RASSF4: variants seen among roughly 807,000 people sequenced by gnomAD.
RASSF4 encodes Ras association domain family member 4, also known as ras association domain-containing protein 4.
In RASSF4, 38 loss-of-function variants were observed where a neutral mutation model predicts 41.1. The ratio of observed to expected loss-of-function variants is 0.92; its 90% CI spans 0.71 to 1.21. The LOEUF is 1.21. RASSF4 is among the 50% of genes most tolerant of loss of function. RASSF4 has a pLI of 0.00. For missense variants in RASSF4, 414 were observed against 419.4 expected (o/e 0.99, Z 0.11); for synonymous variants, 179 against 163.4 (o/e 1.10, Z -0.73).
chr10:44,972,470 A>T (rs1588803690), intron 3 of RASSF4, among the ~76,000 whole-genome samples: 1 of 152,368 alleles, frequency 6.6e-6, no homozygotes, highest in African/African-American at 2.4e-5. Flanking sequence ...TTTTCAGAAG[A>T]GGATAGATTA....
At chr10:44,987,758 T>C (rs1280738571) in intron 6 of RASSF4, among the ~76,000 whole-genome samples, 2 of 152,090 alleles carry the variant, frequency 1.3e-5, no homozygotes, top group Non-Finnish European at 2.9e-5. Context: ...TCAGATTTTT[T>C]AGCAATAAAG....
At chr10:44,989,491 CA>C in intron 7 of RASSF4, 116 bp downstream of exon 7, 2 of 940,026 alleles carry the variant, frequency 2.1e-6, no homozygotes, top group Non-Finnish European at 3.4e-6. Flanking sequence ...GAAGGTCTAG[CA>C]AGGGTCCCTC....
intron 3 of RASSF4, chr10:44,978,212 T>A: frequency 1.6e-6 from 1 of 613,880 alleles, no homozygotes; most frequent in Non-Finnish European, 2.7e-6. Flanking sequence ...TGCTGGGATC[T>A]TTTCTTCCTG....
At chr10:44,983,271 C>T (rs1053297878) in intron 4 of RASSF4, 11 of 254,048 alleles carry the variant, frequency 4.3e-5, no homozygotes, top group African/African-American at 2.0e-4. Context: ...GCTTTGCCCC[C>T]TTCAGATTTC....
chr10:44,982,240 GC>G (rs1841737535), intron 3 of RASSF4: 2 of 477,570 alleles, frequency 4.2e-6, no homozygotes, highest in East Asian at 8.6e-5. Context: ...GGACGTGCCT[GC>G]CGGCCAGCAG....
chr10:44,982,533 C>T lies in RASSF4; in HGVS notation c.151C>T (p.Leu51=), dbSNP rs1841756955. Reference sequence around the variant, plus strand: ...TGGACCCCCACAGGAAGAAGGGACTCTGATCATCGAGGGGCTCCTCAACAT... The same window carrying T: ...TGGACCCCCACAGGAAGAAGGGACTTTGATCATCGAGGGGCTCCTCAACAT... ...QLRHREEEGT[L]IIEGLLNIAW... The change falls in exon 4 of 11, where the codon CTG becomes TTG. Residue 51 remains leucine (L), a synonymous_variant. Transcript: ENST00000340258. The T allele has an allele frequency of 6.2e-7, 1 of 1,611,750 alleles. No individual in the cohort carries two copies. The highest frequency in any genetic ancestry group is 8.5e-7 in the Non-Finnish European group (1 of 1,179,002).
intron 8 of RASSF4, 45 bp from the exon 9 acceptor site, chr10:44,990,903 T>C: frequency 6.3e-7 from 1 of 1,594,454 alleles, no homozygotes; most frequent in Non-Finnish European, 8.6e-7. Context: ...CAGACAGAGG[T>C]GATCCTAATC....
rs1240162635 is a variant in RASSF4 at position 44,993,156 on chromosome 10, T to C, written c.906-113T>C. On this transcript the variant is annotated intron_variant, in intron 10 of 10. Coordinates refer to ENST00000340258, the MANE Select transcript of RASSF4 (RefSeq NM_032023.4). ...TTCCCCCTCCTTGGCAGAGGAGAGA[T>C]GAGGCTGCTGCAGGGATCTCCTGAG... 3.6e-6 allele frequency: 3 copies of C among 840,852 alleles called. No individual in the cohort carries two copies. In the African/African-American group the frequency reaches 5.0e-5, roughly 14 times the overall value. 52.1% of individuals were successfully genotyped at this position (840,852 alleles called of 1,614,324 possible).
At chr10:44,969,108 TTG>T (rs58639318) in intron 1 of RASSF4, among the ~76,000 whole-genome samples, 4,030 of 149,616 alleles carry the variant, frequency 0.027, 180 homozygotes, top group African/African-American at 0.09. Context: ...GCGTGTGTTT[TTG>T]TGTGTGTGTG....
chr10:44,984,361 G>A (rs10793574), intron 5 of RASSF4: 86,216 of 551,886 alleles, frequency 0.16, 7,276 homozygotes, highest in South Asian at 0.25. Context: ...TGAGTCCCCC[G>A]CCCTGTGTGT....
chr10:44,962,747 G>A (rs1840752948), intron 1 of RASSF4, among the ~76,000 whole-genome samples: 2 of 152,252 alleles, frequency 1.3e-5, no homozygotes, highest in Non-Finnish European at 1.5e-5. Flanking sequence ...GGCTAGAGGT[G>A]AGCCTGGTTG....
At chr10:44,984,999 G>A (rs1222102807) in intron 6 of RASSF4, 29 bp downstream of exon 6, 2 of 1,596,062 alleles carry the variant, frequency 1.3e-6, no homozygotes, top group Admixed American at 3.3e-5. Flanking sequence ...CTCTCCCCTG[G>A]GCGCATGGGG....
At chr10:44,983,305 C>T in intron 4 of RASSF4, 1 of 235,184 alleles carries the variant, frequency 4.3e-6, no homozygotes, top group Non-Finnish European at 8.5e-6. Context: ...GCTGTGACAG[C>T]ACCCACCACC....
chr10:44,985,001 C>T (rs768347660), intron 6 of RASSF4, 31 bp downstream of exon 6: 14 of 1,593,582 alleles, frequency 8.8e-6, no homozygotes, highest in African/African-American at 8.0e-5. Context: ...CTCCCCTGGG[C>T]GCATGGGGAG....
intron 1 of RASSF4, among the ~76,000 whole-genome samples, chr10:44,961,330 G>A (rs545698507): frequency 6.6e-6 from 1 of 152,218 alleles, no homozygotes; most frequent in African/African-American, 2.4e-5. Flanking sequence ...GTCCAGGGTC[G>A]CCCTGGGTCA....
chr10:44,965,390 A>G (rs375599254), intron 1 of RASSF4, among the ~76,000 whole-genome samples: 114 of 152,330 alleles, frequency 7.5e-4, no homozygotes, highest in African/African-American at 2.6e-3. Flanking sequence ...GCATTAATGG[A>G]GATTCTCTAC....
intron 1 of RASSF4, among the ~76,000 whole-genome samples, chr10:44,963,990 T>C (rs1840806628): frequency 6.6e-6 from 1 of 152,252 alleles, no homozygotes; most frequent in Non-Finnish European, 1.5e-5. Flanking sequence ...CTTCTGTTCC[T>C]TTTGCCACTG....
chr10:44,982,751 C>A (rs1445105195), intron 4 of RASSF4, 88 bp downstream of exon 4: 1 of 1,409,210 alleles, frequency 7.1e-7, no homozygotes, highest in South Asian at 1.3e-5. Context: ...AGCCCTGTTC[C>A]CTTATGGGAC....
intron 1 of RASSF4, among the ~76,000 whole-genome samples, chr10:44,960,643 C>T (rs1264901262): frequency 1.3e-5 from 2 of 152,242 alleles, no homozygotes; most frequent in African/African-American, 4.8e-5. Context: ...CCTCCTCTCA[C>T]ACCAGAATCA....
Sources: gnomAD v4.1 joint callset for allele counts (sites outside exome capture counted in the v4.1 genomes callset) on GRCh38, gnomAD v4.1.1 for gene constraint, MANE v1.5 for transcripts, NCBI Gene and HGNC (gene_info 2026-07-23, HGNC 2026-07-21) for gene names.